Variants in LRP1B observed in about 807,000 individuals in gnomAD.
The protein encoded by LRP1B is low-density lipoprotein receptor-related protein 1B.
In LRP1B, 217 loss-of-function variants were observed where a neutral mutation model predicts 556.6. That is an observed-to-expected ratio of 0.39 (90% CI 0.35 to 0.44). The LOEUF is 0.44. Ranked by LOEUF, LRP1B falls within the 20% of genes least tolerant of loss-of-function variation. The pLI, the probability that LRP1B is intolerant of heterozygous loss-of-function variation, is 1.00. For synonymous variants in LRP1B, 2,047 were observed against 1,865.8 expected (o/e 1.10, Z -2.50); for missense variants, 5,053 against 5,620.8 (o/e 0.90, Z 3.23).
chr2:141,841,177 G>A (rs1271613223), intron 1 of LRP1B, among the ~76,000 whole-genome samples: 1 of 152,150 alleles, frequency 6.6e-6, no homozygotes, highest in East Asian at 1.9e-4. Context: ...AAGTAATGAT[G>A]TAATTGCATG....
At chr2:140,485,556 G>C (rs373410030) in intron 58 of LRP1B, 32 bp from the exon 59 acceptor site, 7 of 1,525,980 alleles carry the variant, frequency 4.6e-6, no homozygotes, top group African/African-American at 2.8e-5. Context: ...GGTTAACAGC[G>C]TAAATCCCTA....
In LRP1B at chr2:140,849,249, T is replaced by C. The variant is rs572007460; in HGVS notation, c.4939+853A>G. 9.6e-4 allele frequency among the ~76,000 whole-genome samples: 139 copies of C among 144,954 alleles called. 1 individual carries two copies. The highest frequency in any genetic ancestry group is 3.4e-3 in the African/African-American group (133 of 38,976). On this transcript the variant is annotated intron_variant, in intron 29 of 90. Transcript: ENST00000389484. ...ATAGCCAGGTGTGGTGGTGGGTGCC[T>C]GTAATCCCAGCTACTCAAGAGGCTG...
intron 23 of LRP1B, among the ~76,000 whole-genome samples, chr2:140,895,502 AC>A (rs201942208): frequency 0.059 from 8,195 of 138,464 alleles, 225 homozygotes; most frequent in East Asian, 0.1. Context: ...GCTTCAGGTC[AC>A]CTCACCGGCA....
chr2:140,965,496 T>TATACATG (rs1167961261), intron 18 of LRP1B, among the ~76,000 whole-genome samples: 1 of 152,166 alleles, frequency 6.6e-6, no homozygotes, highest in Non-Finnish European at 1.5e-5. Context: ...TCAGAGTATC[T>TATACATG]ATACATGTAA....
rs745821029 is a variant in LRP1B, at chr2:140,771,005, G to A, written c.5502C>T (p.Gly1834=). The A allele has an allele frequency of 2.8e-5, 43 of 1,562,658 alleles. No homozygotes were observed. Among genetic ancestry groups the A allele is most frequent in the Non-Finnish European group, 3.6e-5 (42 of 1,162,594 alleles). ...CATTGTTTAGTTGGCAGGAATTGCTGCCTGCATAGAATGAAAATGAAACAA... is the reference window on the plus strand; with the variant it reads ...CATTGTTTAGTTGGCAGGAATTGCTACCTGCATAGAATGAAAATGAAACAA... ...MKVYDKEAQQ[G]SNSCQLNNGG... Residue 1834 remains glycine (G), a splice_region_variant and synonymous_variant, in exon 34 of 91, where the codon GGC becomes GGT. Transcript: ENST00000389484.
At chr2:141,280,414 G>A (rs563114063) in intron 3 of LRP1B, among the ~76,000 whole-genome samples, 6 of 152,042 alleles carry the variant, frequency 3.9e-5, no homozygotes, top group African/African-American at 1.4e-4. Context: ...ACATATAATA[G>A]ACTACGTTAG....
intron 2 of LRP1B, among the ~76,000 whole-genome samples, chr2:141,606,918 A>T (rs546904117): frequency 9.2e-5 from 14 of 152,234 alleles, no homozygotes; most frequent in Admixed American, 8.5e-4. Context: ...TGGTGAGATT[A>T]TGTCTGAGTT....
chr2:140,624,491 A>G (rs190113808), intron 41 of LRP1B, among the ~76,000 whole-genome samples: 187 of 152,092 alleles, frequency 1.2e-3, no homozygotes, highest in Admixed American at 7.5e-3. Context: ...GCAAGCTTCT[A>G]CCCCCACCCC....
intron 81 of LRP1B, among the ~76,000 whole-genome samples, chr2:140,323,096 A>G (rs1680240992): frequency 6.6e-6 from 1 of 152,028 alleles, no homozygotes; most frequent in Admixed American, 6.6e-5. Flanking sequence ...TTCCAGATAA[A>G]TGCACCAAAC....
At chr2:141,364,686 T>A (rs995091140) in intron 3 of LRP1B, among the ~76,000 whole-genome samples, 1 of 152,214 alleles carries the variant, frequency 6.6e-6, no homozygotes, top group Non-Finnish European at 1.5e-5. Flanking sequence ...AATATAGTAA[T>A]ATCTACTTTG....
At chr2:141,793,569 T>C (rs889487596) in intron 2 of LRP1B, among the ~76,000 whole-genome samples, 7 of 152,008 alleles carry the variant, frequency 4.6e-5, no homozygotes, top group African/African-American at 1.7e-4. Flanking sequence ...CAAAAATTAA[T>C]GCTGCCAAAT....
chr2:141,928,873 C>T (rs1700410118), intron 1 of LRP1B, among the ~76,000 whole-genome samples: 1 of 152,124 alleles, frequency 6.6e-6, no homozygotes, highest in Non-Finnish European at 1.5e-5. Flanking sequence ...GTCAGGGTGA[C>T]TGTGGCTCAA....
At chr2:141,317,520 AG>A (rs2105463341) in intron 3 of LRP1B, among the ~76,000 whole-genome samples, 1 of 152,318 alleles carries the variant, frequency 6.6e-6, no homozygotes, top group South Asian at 2.1e-4. Context: ...CCTAACTCCA[AG>A]TAGAGTCACA....
chr2:141,104,244 C>T (rs890975073), intron 7 of LRP1B, among the ~76,000 whole-genome samples: 3 of 151,954 alleles, frequency 2.0e-5, no homozygotes, highest in African/African-American at 7.2e-5. Context: ...GCATATGTAT[C>T]CCCTGTATCT....
intron 3 of LRP1B, among the ~76,000 whole-genome samples, chr2:141,347,698 C>T (rs1688303567): frequency 6.6e-6 from 1 of 151,704 alleles, no homozygotes; most frequent in South Asian, 2.1e-4. Flanking sequence ...GTAGCAGTAC[C>T]CTAGAATATC....
At chr2:140,814,891 A>G (rs55966459) in intron 31 of LRP1B, among the ~76,000 whole-genome samples, 45,415 of 151,944 alleles carry the variant, frequency 0.3, 6,916 homozygotes, top group East Asian at 0.4. Context: ...CATCATTGTC[A>G]GAGGTCTCAG....
chr2:142,096,223 A>C (rs1045640091), intron 1 of LRP1B, among the ~76,000 whole-genome samples: 2 of 151,822 alleles, frequency 1.3e-5, no homozygotes, highest in Non-Finnish European at 3.0e-5. Context: ...TTGATGGGCC[A>C]ATCAAAGAAT....
Position 140,741,275 on chromosome 2 carries a change from A to T in LRP1B, c.5759-24459T>A, listed in dbSNP as rs894862556. ...CATTTCACCCCCAACCCAAATAACA[A>T]CACATATGACAAAGCGAAGCCATGC... On this transcript the variant is annotated intron_variant, in intron 35 of 90. Coordinates refer to ENST00000389484, the MANE Select transcript of LRP1B (RefSeq NM_018557.3). Among the ~76,000 whole-genome samples, 8 of 152,256 alleles carry T rather than the reference A, an allele frequency of 5.3e-5. No individual in the cohort carries two copies. In the South Asian group the frequency reaches 1.0e-3, roughly 20 times the overall value.
chr2:141,803,184 T>C (rs1443643600), intron 2 of LRP1B, among the ~76,000 whole-genome samples: 4 of 151,184 alleles, frequency 2.6e-5, no homozygotes, highest in African/African-American at 9.7e-5. Flanking sequence ...CCTGTGTGAA[T>C]TGTACTTCCA....
Sources: allele counts gnomAD v4.1 joint callset (sites outside exome capture counted in the v4.1 genomes callset), GRCh38; gene constraint gnomAD v4.1.1; transcripts MANE v1.5; gene names NCBI Gene and HGNC (gene_info 2026-07-23, HGNC 2026-07-21).